The following RASGRF2 variants were observed in gnomAD, a reference collection of about 807,000 sequenced individuals.
The protein encoded by RASGRF2 is Ras protein specific guanine nucleotide releasing factor 2, also known as ras-specific guanine nucleotide-releasing factor 2.
Under a neutral mutation model 151.0 loss-of-function variants are expected in RASGRF2, and 76 were observed. The ratio of observed to expected loss-of-function variants is 0.50; its 90% CI spans 0.42 to 0.61. RASGRF2 has a LOEUF of 0.61. RASGRF2 is among the 20% of genes least tolerant of loss of function. The pLI, the probability that RASGRF2 is intolerant of heterozygous loss-of-function variation, is 0.00. For synonymous variants in RASGRF2, 504 were observed against 566.5 expected (o/e 0.89, Z 1.57); for missense variants, 1,148 against 1,564.6 (o/e 0.73, Z 4.49).
intron 17 of RASGRF2, among the ~76,000 whole-genome samples, chr5:81,169,679 T>C (rs1202146633): frequency 2.0e-5 from 3 of 152,198 alleles, no homozygotes; most frequent in Non-Finnish European, 2.9e-5. Flanking sequence ...GGATGTGGAT[T>C]TGGGGAGAAT....
At chr5:81,023,999 C>T (rs1285776765) in intron 1 of RASGRF2, among the ~76,000 whole-genome samples, 3 of 152,128 alleles carry the variant, frequency 2.0e-5, no homozygotes, top group African/African-American at 4.8e-5. Flanking sequence ...TTTTCGTAAG[C>T]GTTATTTTCC....
At chr5:81,187,418 T>C (rs887983507) in intron 18 of RASGRF2, among the ~76,000 whole-genome samples, 12 of 152,170 alleles carry the variant, frequency 7.9e-5, no homozygotes, top group Admixed American at 5.9e-4. Context: ...GCTGTCAAAA[T>C]TCCTTCCAGT....
At chr5:81,037,347 T>G (rs1424031138) in intron 1 of RASGRF2, among the ~76,000 whole-genome samples, 1 of 152,186 alleles carries the variant, frequency 6.6e-6, no homozygotes, top group Admixed American at 6.5e-5. Flanking sequence ...GAATTCTATG[T>G]TGAATATATT....
chr5:81,068,390 CTTTT>C (rs57789740), intron 3 of RASGRF2, among the ~76,000 whole-genome samples: 102 of 142,572 alleles, frequency 7.2e-4, no homozygotes, highest in Non-Finnish European at 5.7e-4. Context: ...GGATAATGTG[CTTTT>C]TTTTTTTTTT....
intron 21 of RASGRF2, 152 bp from the exon 22 acceptor site, chr5:81,208,202 A>G: frequency 1.7e-6 from 1 of 586,254 alleles, no homozygotes. Flanking sequence ...CCGAGGTAAA[A>G]TTCACTTGTG....
At chr5:80,982,322 C>G (rs67133570) in intron 1 of RASGRF2, among the ~76,000 whole-genome samples, 1 of 151,842 alleles carries the variant, frequency 6.6e-6, no homozygotes, top group Admixed American at 6.6e-5. Context: ...ATGACTTGGG[C>G]GGGGGTTAGT....
intron 19 of RASGRF2, among the ~76,000 whole-genome samples, chr5:81,204,596 A>G (rs1755465469): frequency 6.6e-6 from 1 of 152,194 alleles, no homozygotes. Flanking sequence ...CAAAACTTAT[A>G]TTTCTAAAAT....
intron 17 of RASGRF2, among the ~76,000 whole-genome samples, chr5:81,143,690 G>C (rs778727634): frequency 6.6e-6 from 1 of 151,608 alleles, no homozygotes; most frequent in Non-Finnish European, 1.5e-5. Context: ...AGGAGTTTGA[G>C]ACCAGCCTGG....
intron 1 of RASGRF2, among the ~76,000 whole-genome samples, chr5:81,037,294 T>C (rs1016071356): frequency 6.6e-6 from 1 of 152,216 alleles, no homozygotes; most frequent in African/African-American, 2.4e-5. Flanking sequence ...TTAAAAAATA[T>C]GTATTCTGCC....
chr5:80,996,515 TCCTCCCC>T (rs1561544817), intron 1 of RASGRF2, among the ~76,000 whole-genome samples: 5 of 46,452 alleles, frequency 1.1e-4, no homozygotes, highest in Non-Finnish European at 1.7e-4. Flanking sequence ...CTCCTCCTCC[TCCTCCCC>T]CTCCTCCTCC....
At chr5:81,102,423 G>A (rs977635960) in intron 12 of RASGRF2, among the ~76,000 whole-genome samples, 3 of 152,134 alleles carry the variant, frequency 2.0e-5, no homozygotes, top group Admixed American at 6.5e-5. Flanking sequence ...GGCCAGACAC[G>A]GTGGCTCATG....
At chr5:81,077,313 T>C (rs1751968665) in intron 5 of RASGRF2, among the ~76,000 whole-genome samples, 1 of 152,042 alleles carries the variant, frequency 6.6e-6, no homozygotes, top group Non-Finnish European at 1.5e-5. Context: ...GAGGACAAGA[T>C]CTTTGGAGGA....
chr5:81,206,730 T>C, intron 19 of RASGRF2, 115 bp from the exon 20 acceptor site: 3 of 824,186 alleles, frequency 3.6e-6, no homozygotes, highest in Non-Finnish European at 6.3e-6. Context: ...CTGCATGGCC[T>C]TGTAGACCCA....
chr5:80,976,885 A>G (rs1748132519), intron 1 of RASGRF2, among the ~76,000 whole-genome samples: 1 of 152,230 alleles, frequency 6.6e-6, no homozygotes, highest in Non-Finnish European at 1.5e-5. Context: ...CCCCAGGCCC[A>G]GAGCAGTGAA....
intron 18 of RASGRF2, among the ~76,000 whole-genome samples, chr5:81,192,221 A>G (rs996338145): frequency 1.3e-5 from 2 of 152,232 alleles, no homozygotes; most frequent in Admixed American, 6.5e-5. Context: ...AAGTCCCCAG[A>G]TGATTGTCAG....
At chr5:81,220,509 G>A (rs1034461958) in intron 26 of RASGRF2, among the ~76,000 whole-genome samples, 1 of 152,154 alleles carries the variant, frequency 6.6e-6, no homozygotes, top group Non-Finnish European at 1.5e-5. Flanking sequence ...TTTTGAGATG[G>A]AGTCTCGCTC....
At chr5:81,160,245 C>A (rs920063933) in intron 17 of RASGRF2, among the ~76,000 whole-genome samples, 2 of 152,066 alleles carry the variant, frequency 1.3e-5, no homozygotes, top group Admixed American at 6.6e-5. Context: ...CATGGTGAAA[C>A]CCCGTCTCTA....
chr5:81,009,693 A>C (rs958686874), intron 1 of RASGRF2, among the ~76,000 whole-genome samples: 2 of 152,238 alleles, frequency 1.3e-5, no homozygotes, highest in African/African-American at 4.8e-5. Context: ...AATTTAAGTA[A>C]ATATTTAAGT....
intron 1 of RASGRF2, among the ~76,000 whole-genome samples, chr5:81,027,356 T>C (rs1441544345): frequency 3.3e-5 from 5 of 152,222 alleles, no homozygotes; most frequent in African/African-American, 9.6e-5. Flanking sequence ...GGGAGCTTCC[T>C]GTACTTTCTG....
Sources: gnomAD v4.1 joint callset for allele counts (sites outside exome capture counted in the v4.1 genomes callset) on GRCh38, gnomAD v4.1.1 for gene constraint, MANE v1.5 for transcripts, NCBI Gene and HGNC (gene_info 2026-07-23, HGNC 2026-07-21) for gene names.